The following INTU variants were observed in gnomAD, a reference collection of about 807,000 sequenced individuals.
INTU encodes inturned planar cell polarity protein.
In INTU, 68 loss-of-function variants were observed where a neutral mutation model predicts 100.5. That is an observed-to-expected ratio of 0.68 (90% CI 0.56 to 0.83). The LOEUF is 0.83. INTU is among the 40% of genes least tolerant of loss of function. The pLI is 0.00. For synonymous variants in INTU, 357 were observed against 395.7 expected, an observed-to-expected ratio of 0.90 and a Z score of 1.16; for missense variants, 1,071 against 1,114.7, an observed-to-expected ratio of 0.96 and a Z score of 0.56.
Position 127,657,438 on chromosome 4 carries a change from T to C in INTU, c.768+717T>C, listed in dbSNP as rs78406815. Among the ~76,000 whole-genome samples the C allele has an allele frequency of 5.2e-3, 787 of 152,202 alleles. 10 individuals carry two copies. The highest frequency in any genetic ancestry group is 0.018 in the African/African-American group (760 of 41,540). The stretch of plus-strand genomic sequence containing the variant: ...GGGATAGGGAAGATTATATGCTTTA[T>C]GTGGGTTAGAGCAGGGGTCCCCAAA... On this transcript the variant is annotated intron_variant, in intron 3 of 15. Coordinates refer to ENST00000335251, the MANE Select transcript of INTU (RefSeq NM_015693.4).
At position 127,720,345 on chromosome 4, in the gene INTU, CTGTT is replaced by C. The variant is rs1168243233; in HGVS notation, c.*3914_*3917del. 4.6e-5 allele frequency: 7 copies of C among 152,116 alleles called. No individual in the cohort carries two copies. The highest frequency in any genetic ancestry group is 1.9e-4 in the East Asian group (1 of 5,200). 9.4% of individuals were successfully genotyped at this position (152,116 alleles called of 1,614,324 possible). ...TTTGATTGCGCTGTGATCTGAGAGACTGTTTGTTATTACTTCAGTTCTTTAGCAT... is the reference window on the plus strand; with the variant it reads ...TTTGATTGCGCTGTGATCTGAGAGACTGTTATTACTTCAGTTCTTTAGCAT... On this transcript the variant is annotated 3_prime_UTR_variant, in exon 16 of 16. Transcript: ENST00000335251.
intron 14 of INTU, among the ~76,000 whole-genome samples, chr4:127,712,837 G>A (rs528840950): frequency 3.3e-5 from 5 of 152,290 alleles, no homozygotes; most frequent in Admixed American, 2.0e-4. Context: ...GGTCAGCTGC[G>A]GCATTAGGTT....
Position 127,643,755 on chromosome 4 carries a change from C to T in INTU, c.381C>T (p.Arg127=). 1 of 1,613,014 alleles carries T rather than the reference C, an allele frequency of 6.2e-7. No individual in the cohort carries two copies. Among genetic ancestry groups the T allele is most frequent in the Non-Finnish European group, 8.5e-7 (1 of 1,179,796 alleles). Reference sequence around the variant, plus strand: ...GAAGGAAAAGACTTTTACCCAAGCGCTGCAATAAAAAAAATAGCAATGACA... The same window carrying T: ...GAAGGAAAAGACTTTTACCCAAGCGTTGCAATAAAAAAAATAGCAATGACA... ...ILRRKRLLPK[R]CNKKNSNDNG... The change falls in exon 2 of 16, where the codon CGC becomes CGT. Residue 127 remains arginine, a synonymous_variant. Transcript: ENST00000335251.
chr4:127,635,993 G>A (rs1462580358), intron 1 of INTU, among the ~76,000 whole-genome samples: 2 of 152,206 alleles, frequency 1.3e-5, no homozygotes, highest in Middle Eastern at 3.4e-3. Flanking sequence ...TCTCGGCTAG[G>A]TATGGTGGCT....
At chr4:127,674,446 C>G (rs909086586) in intron 6 of INTU, among the ~76,000 whole-genome samples, 1 of 152,300 alleles carries the variant, frequency 6.6e-6, no homozygotes, top group Admixed American at 6.5e-5. Flanking sequence ...AATACACTTG[C>G]TTCTTTTGTG....
At chr4:127,704,051 T>A (rs576736430) in intron 9 of INTU, among the ~76,000 whole-genome samples, 177 bp from the exon 10 acceptor site, 47 of 152,312 alleles carry the variant, frequency 3.1e-4, no homozygotes, top group Non-Finnish European at 5.4e-4. Flanking sequence ...CTCAGTGAAG[T>A]AAACGTATGC....
At chr4:127,687,521 A>G in intron 7 of INTU, 157 bp from the exon 8 acceptor site, 2 of 563,444 alleles carry the variant, frequency 3.5e-6, no homozygotes, top group Non-Finnish European at 6.2e-6. Context: ...TCTTTACACA[A>G]TCCGTCAGTA....
At chr4:127,699,633 T>G (rs546100523) in intron 8 of INTU, among the ~76,000 whole-genome samples, 1 of 152,372 alleles carries the variant, frequency 6.6e-6, no homozygotes, top group East Asian at 1.9e-4. Context: ...TTTTCTTCTA[T>G]GAAATCAAAA....
chr4:127,687,102 G>A (rs577092327), intron 7 of INTU: 2 of 152,278 alleles, frequency 1.3e-5, no homozygotes, highest in South Asian at 4.1e-4. Context: ...CTGTTTACCA[G>A]TAAATAATAA....
chr4:127,682,177 C>T (rs1227424400), intron 6 of INTU, among the ~76,000 whole-genome samples: 2 of 152,058 alleles, frequency 1.3e-5, no homozygotes, highest in African/African-American at 4.8e-5. Flanking sequence ...TAGTTCAGCC[C>T]TTGTGGAAGT....
intron 1 of INTU, among the ~76,000 whole-genome samples, chr4:127,639,018 A>C (rs1005507804): frequency 1.3e-5 from 2 of 152,160 alleles, no homozygotes; most frequent in African/African-American, 4.8e-5. Flanking sequence ...AGATTTACAC[A>C]AGAGTTCCAA....
intron 2 of INTU, among the ~76,000 whole-genome samples, chr4:127,650,552 A>T (rs1485067231): frequency 6.6e-6 from 1 of 152,100 alleles, no homozygotes; most frequent in African/African-American, 2.4e-5. Context: ...ACATGAACTC[A>T]TCATTTTTTA....
chr4:127,678,945 T>A (rs1484509238), intron 6 of INTU, among the ~76,000 whole-genome samples: 5 of 151,028 alleles, frequency 3.3e-5, no homozygotes, highest in African/African-American at 4.9e-5. Context: ...AAGGCAGGGG[T>A]TGCAATCCTA....
At chr4:127,677,523 G>C (rs1729280446) in intron 6 of INTU, among the ~76,000 whole-genome samples, 1 of 151,002 alleles carries the variant, frequency 6.6e-6, no homozygotes, top group Admixed American at 6.6e-5. Flanking sequence ...AACTCCAACA[G>C]ACCTGCAGCT....
chr4:127,709,179 A>G (rs753741711), intron 13 of INTU, among the ~76,000 whole-genome samples: 2 of 152,194 alleles, frequency 1.3e-5, no homozygotes, highest in Admixed American at 6.5e-5. Context: ...TGACTAATAA[A>G]TAAGTGAGTA....
In INTU at chr4:127,705,634, A is replaced by G. The variant is rs747261019; in HGVS notation, c.1610A>G (p.Asp537Gly). 8.7e-6 allele frequency: 14 copies of G among 1,613,828 alleles called. No homozygotes were observed. Among genetic ancestry groups the G allele is most frequent in the Non-Finnish European group, 1.2e-5 (14 of 1,179,912 alleles). Residue 537 changes from aspartate to glycine, a missense_variant, in exon 11 of 16, where the codon GAT (aspartate) becomes GGT (glycine). Coordinates refer to ENST00000335251, the MANE Select transcript of INTU (RefSeq NM_015693.4). ...CSHLPKDDLI[D>G]IAVYCRHYCL... ...CATTTGCCCAAGGATGATCTTATTG[A>G]TATTGCCGTATACTGTCGCCACTAT...
chr4:127,719,160 A>T lies in INTU; in HGVS notation c.*2724A>T, dbSNP rs774857835. The stretch of plus-strand genomic sequence containing the variant: ...TATTATTTTGAAGTATGTTCCTTCA[A>T]TACCTAGTTTATTGAGAGTTTTTAA... On this transcript the variant is annotated 3_prime_UTR_variant, in exon 16 of 16. Transcript: ENST00000335251. 6.6e-6 allele frequency: 1 copy of T among 152,190 alleles called. No homozygotes were observed. Among genetic ancestry groups the T allele is most frequent in the African/African-American group, 2.4e-5 (1 of 41,446 alleles). The allele number at this position is 152,190 out of a possible 1,614,324, so 9.4% of individuals were successfully genotyped here.
At chr4:127,700,497 C>T (rs1730600785) in intron 9 of INTU, among the ~76,000 whole-genome samples, 1 of 152,164 alleles carries the variant, frequency 6.6e-6, no homozygotes, top group South Asian at 2.1e-4. Context: ...ATACCCAGAC[C>T]ATGGTGTATA....
rs958125298 is a variant in INTU, at chr4:127,662,514, C to T, written c.769-867C>T. Among the ~76,000 whole-genome samples the T allele has an allele frequency of 3.9e-5, 6 of 152,022 alleles. No individual in the cohort carries two copies. The East Asian group carries it at 5.8e-4, about 15-fold the overall frequency. On this transcript the variant is annotated intron_variant, in intron 3 of 15. Coordinates refer to ENST00000335251, the MANE Select transcript of INTU (RefSeq NM_015693.4). The stretch of plus-strand genomic sequence containing the variant: ...AATTTTGGTACTTCTTTGAAATGAA[C>T]GAGTTATCTTTGACCAATTGGTATC...
Sources: gnomAD v4.1 joint callset for allele counts (sites outside exome capture counted in the v4.1 genomes callset) on GRCh38, gnomAD v4.1.1 for gene constraint, MANE v1.5 for transcripts, NCBI Gene and HGNC (gene_info 2026-07-23, HGNC 2026-07-21) for gene names.